The following SYTL5 variants were observed in gnomAD, a reference collection of about 807,000 sequenced individuals.
SYTL5 encodes synaptotagmin like 5.
Under a neutral mutation model 55.9 loss-of-function variants are expected in SYTL5, and 34 were observed. The observed-to-expected ratio is 0.61, with a 90% CI of 0.46 to 0.81. The LOEUF is 0.81. Among genes scored for constraint, SYTL5 ranks in the 30% least tolerant of loss-of-function variants. The probability of loss-of-function intolerance (pLI) is 0.00; values close to 1 mark genes in which losing one functional copy is unlikely to be tolerated. For synonymous variants in SYTL5, 221 were observed against 188.7 expected, an observed-to-expected ratio of 1.17 and a Z score of -1.40; for missense variants, 637 against 546.7, an observed-to-expected ratio of 1.17 and a Z score of -1.65.
the SYTL5 span, among the ~76,000 whole-genome samples, chrX:37,961,780 A>G: frequency 7.1e-5 from 8 of 111,983 alleles, no homozygotes; most frequent in Admixed American, 7.6e-4. Context: ...TTTATTTTTT[A>G]TATGTTACTG....
chrX:37,937,945 T>G, the SYTL5 span, among the ~76,000 whole-genome samples: 1 of 112,589 alleles, frequency 8.9e-6, no homozygotes, highest in Middle Eastern at 4.6e-3. Flanking sequence ...CTTCAAAACA[T>G]TATGTTTCAT....
At chrX:37,905,009 C>T in the SYTL5 span, among the ~76,000 whole-genome samples, 2 of 111,205 alleles carry the variant, frequency 1.8e-5, no homozygotes, top group African/African-American at 6.6e-5. Flanking sequence ...ACAAGTTGAC[C>T]TTTACCAGAA....
At chrX:37,928,700 C>G in the SYTL5 span, among the ~76,000 whole-genome samples, 3 of 112,108 alleles carry the variant, frequency 2.7e-5, no homozygotes, top group Non-Finnish European at 1.9e-5. Flanking sequence ...ACCCTCGTGC[C>G]TTTTGATTTT....
Position 38,102,243 on chromosome X carries a change from G to A in SYTL5, c.1063-99G>A. 5.5e-6 allele frequency: 3 copies of A among 544,152 alleles called. No homozygotes were observed. The South Asian group carries it at 9.0e-5, about 16-fold the overall frequency. 44.8% of individuals were successfully genotyped at this position (544,152 alleles called of 1,213,427 possible). On this transcript the variant is annotated intron_variant, in intron 9 of 16. Transcript: ENST00000297875. ...AGTGATTTCTAGAAATTTTTTATCT[G>A]ATTCTCAAATATTTATGAAAGAAAG...
In SYTL5 at chrX:38,054,617, A is replaced by T. The variant is rs904120087; in HGVS notation, c.329+195A>T. ...GTGTGTGTGTGTGTGTATGTGAGAGAGAGAGAGAGAGAGAGAGAGAGAGAG... is the reference window on the plus strand; with the variant it reads ...GTGTGTGTGTGTGTGTATGTGAGAGTGAGAGAGAGAGAGAGAGAGAGAGAG... On this transcript the variant is annotated intron_variant, in intron 3 of 16. Coordinates refer to ENST00000297875, the MANE Select transcript of SYTL5 (RefSeq NM_138780.3). 2.0e-4 allele frequency among the ~76,000 whole-genome samples: 11 copies of T among 54,769 alleles called. No individual in the cohort carries two copies. The highest frequency in any genetic ancestry group is 2.8e-4 in the Non-Finnish European group (10 of 35,505). The allele number at this position is 54,769 out of a possible 115,157, so 47.6% of individuals were successfully genotyped here.
chrX:37,939,340 A>G, the SYTL5 span, among the ~76,000 whole-genome samples: 3 of 111,769 alleles, frequency 2.7e-5, no homozygotes, highest in Non-Finnish European at 5.6e-5. Flanking sequence ...CAAGCAGATT[A>G]TTGTTTTAGT....
the SYTL5 span, among the ~76,000 whole-genome samples, chrX:37,928,219 T>C: frequency 7.1e-5 from 8 of 112,130 alleles, no homozygotes; most frequent in Non-Finnish European, 1.1e-4. Flanking sequence ...CTGCACCTTA[T>C]ACTATTTAAG....
At chrX:38,085,340 A>G (rs73467441) in intron 6 of SYTL5, among the ~76,000 whole-genome samples, 1,578 of 111,153 alleles carry the variant, frequency 0.014, 11 homozygotes, top group African/African-American at 0.016. Context: ...TAGTCTGGAC[A>G]TGGGAGTTTT....
At chrX:37,960,579 C>T in the SYTL5 span, among the ~76,000 whole-genome samples, 3 of 110,776 alleles carry the variant, frequency 2.7e-5, no homozygotes, top group Admixed American at 1.9e-4. Context: ...TATGATACCT[C>T]ATTAGAGTGG....
At chrX:38,098,630 A>C (rs1417616045) in intron 9 of SYTL5, among the ~76,000 whole-genome samples, 1 of 110,935 alleles carries the variant, frequency 9.0e-6, no homozygotes, top group Non-Finnish European at 1.9e-5. Context: ...ATTCCGTAAA[A>C]GAGTTTGGCA....
chrX:37,987,233 T>G, the SYTL5 span, among the ~76,000 whole-genome samples: 1 of 112,040 alleles, frequency 8.9e-6, no homozygotes, highest in African/African-American at 3.2e-5. Context: ...GATTATCAAT[T>G]GAGAATAATT....
chrX:38,030,181 G>A (rs1388862286), intron 1 of SYTL5, among the ~76,000 whole-genome samples: 2 of 110,897 alleles, frequency 1.8e-5, no homozygotes, highest in African/African-American at 3.3e-5. Flanking sequence ...CCCAATAACT[G>A]CCATTAGCCT....
chrX:37,927,800 C>CA, the SYTL5 span, among the ~76,000 whole-genome samples: 1 of 110,405 alleles, frequency 9.1e-6, no homozygotes, highest in Non-Finnish European at 1.9e-5. Context: ...ACAAAACAAA[C>CA]AAAAAAACTG....
At chrX:37,997,940 TG>T in the SYTL5 span, among the ~76,000 whole-genome samples, 1 of 112,260 alleles carries the variant, frequency 8.9e-6, no homozygotes, top group Non-Finnish European at 1.9e-5. Context: ...GAACAAATGT[TG>T]GGACCACCAG....
At chrX:38,065,622 G>T (rs1041416377) in intron 3 of SYTL5, among the ~76,000 whole-genome samples, 1 of 111,687 alleles carries the variant, frequency 9.0e-6, no homozygotes, top group African/African-American at 3.3e-5. Flanking sequence ...CCCTTTGTCT[G>T]TAGTGCTCTA....
chrX:38,030,623 A>G (rs1318331587), intron 1 of SYTL5, among the ~76,000 whole-genome samples: 1 of 112,189 alleles, frequency 8.9e-6, no homozygotes, highest in Non-Finnish European at 1.9e-5. Flanking sequence ...GAAGTTGTTC[A>G]TCATGGGTGG....
intron 9 of SYTL5, 32 bp downstream of exon 9, chrX:38,096,266 G>C: frequency 1.1e-6 from 1 of 923,582 alleles, no homozygotes; most frequent in Non-Finnish European, 1.6e-6. Context: ...ATATAATGAA[G>C]AGGAGGAAAT....
chrX:38,089,619 A>G, intron 7 of SYTL5, 32 bp downstream of exon 7: 2 of 1,177,404 alleles, frequency 1.7e-6, no homozygotes, highest in Non-Finnish European at 2.3e-6. Flanking sequence ...ACACCGTATT[A>G]GTTCATTCTC....
intron 7 of SYTL5, among the ~76,000 whole-genome samples, chrX:38,092,996 G>T (rs1936838756): frequency 9.0e-6 from 1 of 111,726 alleles, no homozygotes; most frequent in Non-Finnish European, 1.9e-5. Flanking sequence ...TGCCTCCAAG[G>T]AACTTGGTCT....
Sources: gnomAD v4.1 joint callset for allele counts (sites outside exome capture counted in the v4.1 genomes callset) on GRCh38, gnomAD v4.1.1 for gene constraint, MANE v1.5 for transcripts, NCBI Gene and HGNC (gene_info 2026-07-23, HGNC 2026-07-21) for gene names.